Variants in GPC3 observed in about 807,000 individuals in gnomAD.
GPC3 encodes glypican-3.
A neutral mutation model predicts 34.4 loss-of-function variants in GPC3; 3 were observed. The ratio of observed to expected loss-of-function variants is 0.09; its 90% confidence interval spans 0.04 to 0.23. GPC3 has a LOEUF of 0.23. Among genes scored for constraint, GPC3 ranks in the 10% least tolerant of loss-of-function variants. GPC3 has a pLI of 1.00. For missense variants in GPC3, 351 were observed against 445.6 expected, an observed-to-expected ratio of 0.79 and a Z score of 1.91; for synonymous variants, 177 against 174.0, an observed-to-expected ratio of 1.02 and a Z score of -0.13.
chrX:133,809,719 T>G (rs532634346), intron 2 of GPC3, among the ~76,000 whole-genome samples: 1 of 112,067 alleles, frequency 8.9e-6, no homozygotes. Flanking sequence ...GAGTGAGATA[T>G]TGACCTCAAC....
chrX:133,820,386 G>A (rs1263757072), intron 2 of GPC3, among the ~76,000 whole-genome samples: 1 of 112,051 alleles, frequency 8.9e-6, no homozygotes, highest in Non-Finnish European at 1.9e-5. Flanking sequence ...ATGCAGTTTA[G>A]CTGTGGGCAA....
intron 3 of GPC3, among the ~76,000 whole-genome samples, chrX:133,737,047 T>TTA (rs748975065): frequency 8.9e-6 from 1 of 112,323 alleles, no homozygotes; most frequent in East Asian, 2.8e-4. Flanking sequence ...AGAGATGAAC[T>TTA]ATCTAGCCAC....
intron 2 of GPC3, among the ~76,000 whole-genome samples, chrX:133,828,142 T>C (rs1428087559): frequency 1.8e-5 from 2 of 111,326 alleles, no homozygotes; most frequent in African/African-American, 3.3e-5. Context: ...AAACTATTTT[T>C]AATTTTTATT....
intron 7 of GPC3, among the ~76,000 whole-genome samples, chrX:133,538,023 CAG>C (rs1194863877): frequency 1.8e-5 from 2 of 111,629 alleles, no homozygotes; most frequent in Non-Finnish European, 3.8e-5. Context: ...CATTTAAAAG[CAG>C]AGAGTTTTTC....
At chrX:133,652,930 T>A (rs2070617413) in intron 6 of GPC3, among the ~76,000 whole-genome samples, 1 of 112,051 alleles carries the variant, frequency 8.9e-6, no homozygotes, top group Non-Finnish European at 1.9e-5. Context: ...CCACTTCTGG[T>A]TCACTAGTAC....
At chrX:133,897,708 C>G (rs1460654075) in intron 2 of GPC3, among the ~76,000 whole-genome samples, 1 of 111,189 alleles carries the variant, frequency 9.0e-6, no homozygotes, top group Non-Finnish European at 1.9e-5. Context: ...TTGGAAGCCT[C>G]AAATCACTTT....
chrX:133,739,202 A>G (rs1054410347), intron 3 of GPC3, among the ~76,000 whole-genome samples: 1 of 111,363 alleles, frequency 9.0e-6, no homozygotes, highest in Non-Finnish European at 1.9e-5. Flanking sequence ...CTCTGTGGAC[A>G]TGGGGATATT....
intron 1 of GPC3, among the ~76,000 whole-genome samples, chrX:133,953,832 C>T (rs756960048): frequency 1.8e-5 from 2 of 111,896 alleles, no homozygotes; most frequent in Admixed American, 9.5e-5. Context: ...GCAAAGTCCC[C>T]GCCCTCATGG....
Position 133,551,961 on chromosome X carries a change from G to A in GPC3, c.1574-15668C>T, listed in dbSNP as rs142360293. Among the ~76,000 whole-genome samples, 10 of 112,591 alleles carry A rather than the reference G, an allele frequency of 8.9e-5. 1 individual carries two copies. In the East Asian group the frequency reaches 2.8e-3, roughly 31 times the overall value. ...TTAGTTAATGCTGATTCATGGCTTTGTCTTTCCCCTAAGGGGAAAATGATT... is the reference window on the plus strand; with the variant it reads ...TTAGTTAATGCTGATTCATGGCTTTATCTTTCCCCTAAGGGGAAAATGATT... On this transcript the variant is annotated intron_variant, in intron 7 of 7. Transcript: ENST00000370818.
intron 2 of GPC3, among the ~76,000 whole-genome samples, 178 bp from the exon 3 acceptor site, chrX:133,754,354 T>C (rs1221714766): frequency 8.9e-6 from 1 of 111,938 alleles, no homozygotes; most frequent in East Asian, 2.8e-4. Context: ...TGTTTGCTCC[T>C]ATAAATCAAT....
chrX:133,537,920 C>T (rs1276587602), intron 7 of GPC3, among the ~76,000 whole-genome samples: 1 of 110,967 alleles, frequency 9.0e-6, no homozygotes, highest in African/African-American at 3.3e-5. Context: ...CAAATATTTT[C>T]TCCATTTTGT....
chrX:133,700,212 G>A (rs1459601598), intron 3 of GPC3, among the ~76,000 whole-genome samples, 184 bp from the exon 4 acceptor site: 2 of 111,776 alleles, frequency 1.8e-5, no homozygotes, highest in Admixed American at 9.5e-5. Flanking sequence ...GGCTGGAGAC[G>A]GGGAATGGGG....
chrX:133,790,893 T>C, intron 2 of GPC3, among the ~76,000 whole-genome samples: 1 of 111,599 alleles, frequency 9.0e-6, no homozygotes, highest in Non-Finnish European at 1.9e-5. Flanking sequence ...GAATGGGAAT[T>C]GGCTACTCAA....
At chrX:133,542,202 G>A (rs761987122) in intron 7 of GPC3, among the ~76,000 whole-genome samples, 1 of 112,227 alleles carries the variant, frequency 8.9e-6, no homozygotes, top group South Asian at 3.7e-4. Context: ...AATCTTGGAT[G>A]AGAGATCCTG....
Position 133,585,879 on chromosome X carries a change from G to A in GPC3, c.1573+10561C>T, listed in dbSNP as rs187223918. On this transcript the variant is annotated intron_variant, in intron 7 of 7. Transcript: ENST00000370818. ...CTTAGTCAAATTCATCTGTTCAACAGTTTCCTCTTAATTTGAAGATTGATT... is the reference window on the plus strand; with the variant it reads ...CTTAGTCAAATTCATCTGTTCAACAATTTCCTCTTAATTTGAAGATTGATT... Among the ~76,000 whole-genome samples, 19 of 112,390 alleles carry A rather than the reference G, an allele frequency of 1.7e-4. No homozygotes were observed. The East Asian group carries it at 4.2e-3, about 25-fold the overall frequency.
intron 2 of GPC3, among the ~76,000 whole-genome samples, chrX:133,934,226 C>T (rs936487337): frequency 6.6e-5 from 7 of 106,785 alleles, no homozygotes; most frequent in African/African-American, 1.4e-4. Flanking sequence ...GATGGAGTTT[C>T]GCTCTTGTTG....
intron 3 of GPC3, among the ~76,000 whole-genome samples, chrX:133,743,221 G>A (rs1037077197): frequency 8.9e-6 from 1 of 112,588 alleles, no homozygotes; most frequent in Non-Finnish European, 1.9e-5. Flanking sequence ...TCTTCCAAAG[G>A]CTGCAACATG....
chrX:133,861,049 C>T (rs181744470), intron 2 of GPC3, among the ~76,000 whole-genome samples: 3 of 111,367 alleles, frequency 2.7e-5, no homozygotes, highest in Admixed American at 9.5e-5. Flanking sequence ...CTGCAGTGGT[C>T]ATGCCACTGA....
intron 6 of GPC3, among the ~76,000 whole-genome samples, chrX:133,616,697 A>ATT (rs765661060): frequency 1.5e-4 from 14 of 95,263 alleles, no homozygotes; most frequent in African/African-American, 4.6e-4. Context: ...ACAGAAATTG[A>ATT]TTTTTTTTTT....
Sources: gnomAD v4.1 joint callset for allele counts (sites outside exome capture counted in the v4.1 genomes callset) on GRCh38, gnomAD v4.1.1 for gene constraint, MANE v1.5 for transcripts, NCBI Gene and HGNC (gene_info 2026-07-23, HGNC 2026-07-21) for gene names.